The following MYO3A variants were observed in gnomAD, a reference collection of about 807,000 sequenced individuals.
MYO3A encodes myosin IIIA, also known as myosin-IIIa.
A neutral mutation model predicts 192.7 loss-of-function variants in MYO3A; 180 were observed. That is an observed-to-expected ratio of 0.93 (90% confidence interval 0.83 to 1.06). The LOEUF (loss-of-function observed/expected upper bound fraction) is 1.06. Ranked by LOEUF, MYO3A falls within the 50% of genes least tolerant of loss-of-function variation. The pLI, the probability that MYO3A is intolerant of heterozygous loss-of-function variation, is 0.00. For missense variants in MYO3A, 1,896 were observed against 1,905.0 expected, an observed-to-expected ratio of 1.00 and a Z score of 0.09; for synonymous variants, 628 against 645.3, an observed-to-expected ratio of 0.97 and a Z score of 0.41.
intron 14 of MYO3A, among the ~76,000 whole-genome samples, chr10:26,079,455 A>G (rs1337526839): frequency 6.6e-6 from 1 of 152,326 alleles, no homozygotes; most frequent in East Asian, 1.9e-4. Context: ...TCCATTCTGC[A>G]GTTCCGTATC....
intron 10 of MYO3A, among the ~76,000 whole-genome samples, chr10:26,065,611 A>C (rs1834786459): frequency 6.6e-6 from 1 of 151,192 alleles, no homozygotes; most frequent in African/African-American, 2.4e-5. Flanking sequence ...AAAAAAAAAA[A>C]AAGTATACAT....
At chr10:26,134,671 CA>C (rs1485665822) in intron 20 of MYO3A, among the ~76,000 whole-genome samples, 2 of 151,888 alleles carry the variant, frequency 1.3e-5, no homozygotes, top group Non-Finnish European at 2.9e-5. Context: ...TGAAAAGTGG[CA>C]AAAGTTTTTT....
chr10:26,084,202 G>A (rs1450639914), intron 14 of MYO3A, among the ~76,000 whole-genome samples: 1 of 152,202 alleles, frequency 6.6e-6, no homozygotes, highest in African/African-American at 2.4e-5. Context: ...AGATGATTAT[G>A]TGGTTTTAAT....
intron 10 of MYO3A, among the ~76,000 whole-genome samples, chr10:26,035,656 T>C (rs529578921): frequency 2.2e-4 from 34 of 152,290 alleles, no homozygotes; most frequent in African/African-American, 7.7e-4. Flanking sequence ...CCCAGAGAAA[T>C]TGAATCCTGC....
chr10:25,939,811 A>C (rs1836359186), intron 2 of MYO3A, among the ~76,000 whole-genome samples: 1 of 152,010 alleles, frequency 6.6e-6, no homozygotes. Context: ...TTAATCAAAA[A>C]ATTACTGAGA....
At chr10:26,103,559 G>A (rs1837609463) in intron 17 of MYO3A, among the ~76,000 whole-genome samples, 1 of 152,114 alleles carries the variant, frequency 6.6e-6, no homozygotes, top group African/African-American at 2.4e-5. Context: ...CATTTTATGG[G>A]TATACTTCAT....
rs112508658 is a variant in MYO3A at position 25,952,176 on chromosome 10, A to C, written c.66A>C (p.Glu22Asp). 6 of 1,612,370 alleles carry C rather than the reference A, an allele frequency of 3.7e-6. No individual in the cohort carries two copies. In the African/African-American group the frequency reaches 8.0e-5, roughly 22 times the overall value. ...TTCCTGATCCTTCTGATACATGGGA[A>C]ATCACTGAGACAATTGGCAAAGGAA... ...DNFPDPSDTW[E>D]ITETIGKGTY... Residue 22 changes from glutamate to aspartate, a missense_variant, in exon 3 of 35, where the codon GAA becomes GAC. Coordinates refer to ENST00000642920, the MANE Select transcript of MYO3A (RefSeq NM_017433.5).
intron 25 of MYO3A, among the ~76,000 whole-genome samples, chr10:26,156,793 G>T (rs1841155900): frequency 1.3e-5 from 2 of 152,074 alleles, no homozygotes; most frequent in South Asian, 2.1e-4. Flanking sequence ...CATCATGCAG[G>T]TATTAAGCCC....
intron 6 of MYO3A, among the ~76,000 whole-genome samples, chr10:26,008,032 C>T (rs866235665): frequency 1.4e-5 from 2 of 146,848 alleles, no homozygotes; most frequent in African/African-American, 2.6e-5. Context: ...TACCAAAACA[C>T]AGATATAGAT....
At chr10:26,075,306 A>T (rs772503570) in intron 14 of MYO3A, among the ~76,000 whole-genome samples, 2 of 150,482 alleles carry the variant, frequency 1.3e-5, no homozygotes, top group Non-Finnish European at 3.0e-5. Context: ...AGTTATCGGG[A>T]TACAGGTGGT....
Position 26,157,212 on chromosome 10 carries a change from A to G in MYO3A, c.2794-98A>G, listed in dbSNP as rs183296391. On this transcript the variant is annotated intron_variant, in intron 25 of 34. Coordinates refer to ENST00000642920, the MANE Select transcript of MYO3A (RefSeq NM_017433.5). ...ACTAATGGGAGCATTTATAACATTC[A>G]TTTTTTGAATGTTATTCTTGTAGTA... The G allele has an allele frequency of 3.5e-3, 3,959 of 1,115,900 alleles. 11 individuals are homozygous for G. Among genetic ancestry groups the G allele is most frequent in the Admixed American group, 4.7e-3 (248 of 52,312 alleles). The allele number at this position is 1,115,900 out of a possible 1,614,324, so 69.1% of individuals were successfully genotyped here. A position where few individuals can be genotyped will look rare whatever the true frequency, so the allele number is the denominator to read the frequency against.
At position 26,193,243 on chromosome 10, in the gene MYO3A, C is replaced by A; in HGVS notation, c.4477C>A (p.Pro1493Thr). Residue 1493 changes from proline to threonine, a missense_variant, in exon 32 of 35, where the codon CCA (proline) becomes ACA (threonine). Pro to Thr is a conservative substitution (Grantham distance 38). Transcript: ENST00000642920. ...KGEEPKILRP[P>T]RRPRKPKTLN... ...AGAGGAGCCAAAAATATTGAGACCC[C>A]CAAGACGACCCCGGAAACCCAAAAC... The A allele has an allele frequency of 6.2e-7, 1 of 1,613,886 alleles. No individual in the cohort carries two copies. Among genetic ancestry groups the A allele is most frequent in the South Asian group, 1.1e-5 (1 of 91,038 alleles).
intron 10 of MYO3A, among the ~76,000 whole-genome samples, chr10:26,052,848 A>G (rs1434960994): frequency 6.6e-6 from 1 of 152,134 alleles, no homozygotes; most frequent in East Asian, 1.9e-4. Context: ...TTCAATTTTT[A>G]GAGCAGAAAT....
chr10:26,185,550 G>A (rs1478219896), intron 31 of MYO3A, among the ~76,000 whole-genome samples: 1 of 151,796 alleles, frequency 6.6e-6, no homozygotes, highest in East Asian at 1.9e-4. Flanking sequence ...ATGTTGGCCA[G>A]ACTGGTCTCG....
At chr10:26,129,181 A>G (rs760307841) in intron 20 of MYO3A, among the ~76,000 whole-genome samples, 1 of 152,214 alleles carries the variant, frequency 6.6e-6, no homozygotes, top group Non-Finnish European at 1.5e-5. Flanking sequence ...GTAATATTAT[A>G]TTGTTTTGCA....
chr10:26,048,270 G>A (rs990557868), intron 10 of MYO3A, among the ~76,000 whole-genome samples: 1 of 151,312 alleles, frequency 6.6e-6, no homozygotes, highest in South Asian at 2.1e-4. Context: ...CTGAAAAAAA[G>A]TATTATATTT....
intron 23 of MYO3A, among the ~76,000 whole-genome samples, chr10:26,151,440 G>A (rs903050835): frequency 6.6e-6 from 1 of 151,698 alleles, no homozygotes; most frequent in Non-Finnish European, 1.5e-5. Context: ...TGGCAGTATT[G>A]TTTGTTCTGA....
intron 14 of MYO3A, among the ~76,000 whole-genome samples, chr10:26,077,784 T>G (rs1320776822): frequency 6.6e-6 from 1 of 152,190 alleles, no homozygotes; most frequent in African/African-American, 2.4e-5. Flanking sequence ...ATTCTGATTA[T>G]GTGGTGTATC....
chr10:26,088,153 C>A, intron 14 of MYO3A, 50 bp from the exon 15 acceptor site: 1 of 1,398,814 alleles, frequency 7.1e-7, no homozygotes, highest in Non-Finnish European at 9.8e-7. Flanking sequence ...TCATTATATA[C>A]CAAATTAATT....
Sources: allele counts gnomAD v4.1 joint callset (sites outside exome capture counted in the v4.1 genomes callset), GRCh38; gene constraint gnomAD v4.1.1; transcripts MANE v1.5; gene names NCBI Gene and HGNC (gene_info 2026-07-23, HGNC 2026-07-21).